PTPRT: variants seen among roughly 807,000 people sequenced by gnomAD.
The protein encoded by PTPRT is protein tyrosine phosphatase receptor type T, also known as receptor-type tyrosine-protein phosphatase T.
A neutral mutation model predicts 176.8 loss-of-function variants in PTPRT; 56 were observed. That is an observed-to-expected ratio of 0.32 (90% CI 0.26 to 0.40). The LOEUF is 0.40. Ranked by LOEUF, PTPRT falls within the 10% of genes least tolerant of loss-of-function variation. The pLI, the probability that PTPRT is intolerant of heterozygous loss-of-function variation, is 1.00. For missense variants in PTPRT, 1,540 were observed against 1,908.2 expected, an observed-to-expected ratio of 0.81 and a Z score of 3.60; for synonymous variants, 783 against 739.0, an observed-to-expected ratio of 1.06 and a Z score of -0.96.
intron 13 of PTPRT, among the ~76,000 whole-genome samples, chr20:42,281,789 ACT>A (rs1183569430): frequency 1.3e-5 from 2 of 152,110 alleles, no homozygotes; most frequent in African/African-American, 4.8e-5. Context: ...AAAAATATCA[ACT>A]CTGTAACAAA....
At chr20:42,866,327 C>T (rs148875002) in intron 2 of PTPRT, among the ~76,000 whole-genome samples, 501 of 152,294 alleles carry the variant, frequency 3.3e-3, no homozygotes, top group African/African-American at 0.011. Context: ...ATGGAACCCA[C>T]GTGGCTTGGC....
intron 18 of PTPRT, among the ~76,000 whole-genome samples, chr20:42,141,443 C>A (rs569308446): frequency 1.7e-4 from 26 of 152,320 alleles, no homozygotes; most frequent in African/African-American, 6.3e-4. Flanking sequence ...CCGGGTTCTC[C>A]TAGCCCCTCC....
At position 42,175,367 on chromosome 20, in the gene PTPRT, C is replaced by T. The variant is rs117225218; in HGVS notation, c.2492-13825G>A. ...CGCCCACCTGAGAATCTGTACAGGA[C>T]GTGCTATTCTCCTGGAGTGTTTATA... On this transcript the variant is annotated intron_variant, in intron 16 of 30. Transcript: ENST00000373187. Among the ~76,000 whole-genome samples, 180 of 152,244 alleles carry T rather than the reference C, an allele frequency of 1.2e-3. 3 individuals are homozygous for T. In the East Asian group the frequency reaches 0.028, roughly 24 times the overall value.
chr20:42,675,243 A>G (rs574377845), intron 7 of PTPRT, among the ~76,000 whole-genome samples: 3 of 152,312 alleles, frequency 2.0e-5, no homozygotes, highest in Non-Finnish European at 4.4e-5. Context: ...GTAACATACC[A>G]TCTGTGTTGA....
intron 2 of PTPRT, among the ~76,000 whole-genome samples, chr20:42,879,046 CA>C (rs536001749): frequency 4.6e-5 from 7 of 151,938 alleles, no homozygotes; most frequent in Admixed American, 3.9e-4. Context: ...CAAAACAAAA[CA>C]AAAAAACAGA....
intron 6 of PTPRT, among the ~76,000 whole-genome samples, chr20:42,689,801 G>T (rs2075763243): frequency 1.3e-5 from 2 of 152,106 alleles, no homozygotes; most frequent in South Asian, 4.1e-4. Flanking sequence ...GGACCACTAG[G>T]CAGGGAAAGC....
At chr20:42,420,794 G>T (rs1436947288) in intron 9 of PTPRT, among the ~76,000 whole-genome samples, 4 of 152,166 alleles carry the variant, frequency 2.6e-5, no homozygotes, top group Non-Finnish European at 5.9e-5. Context: ...ACCAACCCCC[G>T]CCAAGACCTC....
At chr20:42,343,123 G>T (rs1051817862) in intron 11 of PTPRT, among the ~76,000 whole-genome samples, 4 of 152,088 alleles carry the variant, frequency 2.6e-5, no homozygotes, top group Non-Finnish European at 5.9e-5. Flanking sequence ...TGTCCTAACT[G>T]ACCTTGTAAA....
chr20:42,986,846 G>A lies in PTPRT; in HGVS notation c.89-100914C>T, dbSNP rs76868787. Among the ~76,000 whole-genome samples the A allele has an allele frequency of 8.3e-3, 1,260 of 152,286 alleles. 49 individuals are homozygous for A. Among genetic ancestry groups the A allele is most frequent in the Admixed American group, 0.061 (929 of 15,288 alleles). ...AACCACACCCAGCCCTAGAAAGAGAGCTGTACAGTGGGGGCTTCTGTGAAC... is the reference window on the plus strand; with the variant it reads ...AACCACACCCAGCCCTAGAAAGAGAACTGTACAGTGGGGGCTTCTGTGAAC... On this transcript the variant is annotated intron_variant, in intron 1 of 30. Coordinates refer to ENST00000373187, the MANE Select transcript of PTPRT (RefSeq NM_007050.6).
Position 42,072,817 on chromosome 20 carries a change from T to C in PTPRT, c.*8062A>G. 4.6e-6 allele frequency: 1 copy of C among 217,668 alleles called. No individual in the cohort carries two copies. Among genetic ancestry groups the C allele is most frequent in the East Asian group, 6.8e-5 (1 of 14,786 alleles). The allele number at this position is 217,668 out of a possible 1,614,324, so 13.5% of individuals were successfully genotyped here. A position where few individuals can be genotyped will look rare whatever the true frequency, so the allele number is the denominator to read the frequency against. ...GTATAGATTTTTTAACACAGCCATG[T>C]TACAAACATTGTCAGGGAACATTTA... On this transcript the variant is annotated 3_prime_UTR_variant, in exon 31 of 31. Transcript: ENST00000373187.
chr20:42,061,031 G>A, the PTPRT span, among the ~76,000 whole-genome samples: 19 of 152,262 alleles, frequency 1.2e-4, no homozygotes, highest in Non-Finnish European at 2.6e-4. Flanking sequence ...GATAATAATG[G>A]AACCTATATC....
chr20:42,232,668 C>T (rs909832585), intron 15 of PTPRT, among the ~76,000 whole-genome samples: 8 of 152,066 alleles, frequency 5.3e-5, no homozygotes, highest in Non-Finnish European at 8.8e-5. Flanking sequence ...CCAAACACCT[C>T]GCCTCCAGTC....
At chr20:43,077,958 C>A (rs2011323832) in intron 1 of PTPRT, among the ~76,000 whole-genome samples, 1 of 152,198 alleles carries the variant, frequency 6.6e-6, no homozygotes, top group Non-Finnish European at 1.5e-5. Context: ...GTGGGAACAT[C>A]ATTTCTTCAG....
intron 9 of PTPRT, among the ~76,000 whole-genome samples, chr20:42,429,704 G>A (rs533860500): frequency 2.6e-5 from 4 of 152,336 alleles, no homozygotes; most frequent in East Asian, 3.9e-4. Flanking sequence ...TCTGAGCCAA[G>A]TTGTAGACAG....
chr20:42,151,018 C>T (rs1989105565), intron 17 of PTPRT, among the ~76,000 whole-genome samples: 2 of 152,146 alleles, frequency 1.3e-5, no homozygotes, highest in Admixed American at 1.3e-4. Context: ...AGTAGGTGCC[C>T]AGAATCTTCC....
intron 9 of PTPRT, among the ~76,000 whole-genome samples, chr20:42,397,121 T>C (rs1277770718): frequency 6.6e-6 from 1 of 152,194 alleles, no homozygotes; most frequent in Non-Finnish European, 1.5e-5. Context: ...TGAGATGGTG[T>C]CAGTTTTCCC....
At chr20:43,028,370 A>G (rs914232566) in intron 1 of PTPRT, among the ~76,000 whole-genome samples, 1 of 152,096 alleles carries the variant, frequency 6.6e-6, no homozygotes, top group Admixed American at 6.6e-5. Context: ...TCCTAGTAAC[A>G]AACTTGGTTC....
At chr20:42,323,539 C>T (rs73273150) in intron 11 of PTPRT, among the ~76,000 whole-genome samples, 51,878 of 151,480 alleles carry the variant, frequency 0.34, 10,181 homozygotes, top group African/African-American at 0.55. Context: ...ATGTTCTCAC[C>T]CATAGGTGGG....
At chr20:42,819,466 A>C (rs1459408054) in intron 2 of PTPRT, among the ~76,000 whole-genome samples, 1 of 152,212 alleles carries the variant, frequency 6.6e-6, no homozygotes, top group Non-Finnish European at 1.5e-5. Flanking sequence ...TATAAAGACC[A>C]ATGAAACTAT....
Sources: allele counts gnomAD v4.1 joint callset (sites outside exome capture counted in the v4.1 genomes callset), GRCh38; gene constraint gnomAD v4.1.1; transcripts MANE v1.5; gene names NCBI Gene and HGNC (gene_info 2026-07-23, HGNC 2026-07-21).